Variants in RBMS3 observed in about 807,000 individuals in gnomAD.
The protein encoded by RBMS3 is RNA-binding motif, single-stranded-interacting protein 3.
Under a neutral mutation model 66.8 loss-of-function variants are expected in RBMS3, and 27 were observed. The ratio of observed to expected loss-of-function variants is 0.40; its 90% CI spans 0.30 to 0.56. The LOEUF is 0.56. Ranked by LOEUF, RBMS3 falls within the 20% of genes least tolerant of loss-of-function variation. The pLI is 0.40. For missense variants in RBMS3, 513 were observed against 549.5 expected (o/e 0.93, Z 0.66); for synonymous variants, 188 against 183.0 (o/e 1.03, Z -0.22).
At chr3:29,522,009 A>G (rs959541116) in intron 3 of RBMS3, among the ~76,000 whole-genome samples, 2 of 152,228 alleles carry the variant, frequency 1.3e-5, no homozygotes, top group Non-Finnish European at 2.9e-5. Context: ...TCATCTTAAC[A>G]TAATCCAGTT....
At chr3:29,772,883 A>G (rs996684535) in intron 6 of RBMS3, among the ~76,000 whole-genome samples, 1 of 152,072 alleles carries the variant, frequency 6.6e-6, no homozygotes, top group African/African-American at 2.4e-5. Flanking sequence ...ATTACTATAG[A>G]AGACTGTTCA....
chr3:29,934,967 T>C (rs925211384), intron 10 of RBMS3, among the ~76,000 whole-genome samples: 7 of 152,252 alleles, frequency 4.6e-5, no homozygotes, highest in Non-Finnish European at 8.8e-5. Flanking sequence ...GCCATCTACA[T>C]GCATCTGTCC....
At chr3:29,891,045 A>T (rs905696519) in intron 8 of RBMS3, among the ~76,000 whole-genome samples, 14 of 151,604 alleles carry the variant, frequency 9.2e-5, no homozygotes, top group African/African-American at 3.4e-4. Flanking sequence ...ATCCTATGGA[A>T]TCCTGTAACA....
At chr3:29,721,346 G>A (rs1026136323) in intron 4 of RBMS3, among the ~76,000 whole-genome samples, 16 of 152,070 alleles carry the variant, frequency 1.1e-4, no homozygotes, top group African/African-American at 3.4e-4. Flanking sequence ...ATATGGTGAT[G>A]TAATAACTAT....
chr3:29,960,513 G>T (rs1326480046), intron 12 of RBMS3, among the ~76,000 whole-genome samples: 1 of 152,172 alleles, frequency 6.6e-6, no homozygotes, highest in East Asian at 1.9e-4. Flanking sequence ...CACAGCTCCA[G>T]TAGGCAGTGC....
intron 12 of RBMS3, among the ~76,000 whole-genome samples, chr3:29,960,193 C>T (rs1431686650): frequency 2.0e-5 from 3 of 152,130 alleles, no homozygotes; most frequent in Non-Finnish European, 2.9e-5. Flanking sequence ...TATACTTATT[C>T]CAAATGGGAG....
chr3:29,863,005 A>G (rs1012519035), intron 6 of RBMS3, among the ~76,000 whole-genome samples: 6 of 152,184 alleles, frequency 3.9e-5, no homozygotes, highest in African/African-American at 1.4e-4. Flanking sequence ...GGAATTACCT[A>G]AGAACAAGAC....
chr3:29,560,102 T>C (rs1440495699), intron 3 of RBMS3, among the ~76,000 whole-genome samples: 1 of 152,182 alleles, frequency 6.6e-6, no homozygotes, highest in Non-Finnish European at 1.5e-5. Flanking sequence ...GATAATTTCA[T>C]ACAATATGGG....
chr3:29,889,381 G>A (rs1332648190), intron 8 of RBMS3, among the ~76,000 whole-genome samples: 1 of 151,630 alleles, frequency 6.6e-6, no homozygotes, highest in Non-Finnish European at 1.5e-5. Context: ...AGCTAGTTAT[G>A]CTATTAGTCA....
chr3:29,758,176 A>G (rs988165479), intron 5 of RBMS3, among the ~76,000 whole-genome samples: 3 of 152,178 alleles, frequency 2.0e-5, no homozygotes, highest in African/African-American at 7.2e-5. Flanking sequence ...GGCTGGGTAG[A>G]GTGGAGCTAG....
intron 4 of RBMS3, among the ~76,000 whole-genome samples, chr3:29,626,466 A>G (rs73048479): frequency 0.19 from 29,567 of 152,148 alleles, 3,112 homozygotes; most frequent in Middle Eastern, 0.29. Context: ...CAATTTAAGG[A>G]TAAATATTGC....
chr3:29,582,190 A>ATAGATAGG (rs1169581097), intron 3 of RBMS3, among the ~76,000 whole-genome samples: 3 of 144,522 alleles, frequency 2.1e-5, no homozygotes, highest in Non-Finnish European at 4.6e-5. Context: ...AGATAGATAG[A>ATAGATAGG]TAGATACACA....
chr3:29,778,460 G>A (rs1453223072), intron 6 of RBMS3, among the ~76,000 whole-genome samples: 1 of 151,216 alleles, frequency 6.6e-6, no homozygotes, highest in African/African-American at 2.4e-5. Flanking sequence ...GGGGATTGGG[G>A]AATTACTATG....
At chr3:29,914,997 T>C (rs2060603615) in intron 10 of RBMS3, among the ~76,000 whole-genome samples, 1 of 151,872 alleles carries the variant, frequency 6.6e-6, no homozygotes, top group African/African-American at 2.4e-5. Context: ...CAATAAACCT[T>C]TGCCAAGCCT....
chr3:29,888,524 G>A (rs898056927), intron 8 of RBMS3, among the ~76,000 whole-genome samples: 7 of 151,276 alleles, frequency 4.6e-5, no homozygotes, highest in Non-Finnish European at 1.0e-4. Context: ...CTTCTCTCTA[G>A]TTGCTCTCGT....
In RBMS3 at chr3:30,003,839, T is replaced by C. The variant is rs1314339328; in HGVS notation, c.1308-17T>C. The C allele has an allele frequency of 1.4e-6, 2 of 1,424,358 alleles. No homozygotes were observed. Among genetic ancestry groups the C allele is most frequent in the African/African-American group, 1.5e-5 (1 of 68,588 alleles). 88.2% of individuals were successfully genotyped at this position (1,424,358 alleles called of 1,614,324 possible). On this transcript the variant is annotated splice_polypyrimidine_tract_variant and intron_variant, in intron 14 of 14. Transcript: ENST00000383767. ...TACTTTAATTTAATGACCACTCTTA[T>C]TCAATTGTTTTCACAGACCATAAAC...
chr3:29,759,278 G>A (rs189028468), intron 5 of RBMS3, among the ~76,000 whole-genome samples: 1 of 152,120 alleles, frequency 6.6e-6, no homozygotes, highest in Non-Finnish European at 1.5e-5. Flanking sequence ...AGTGTCCTAG[G>A]TACTGAGACA....
At chr3:29,905,051 A>G (rs2060343419) in intron 10 of RBMS3, among the ~76,000 whole-genome samples, 1 of 151,878 alleles carries the variant, frequency 6.6e-6, no homozygotes, top group Non-Finnish European at 1.5e-5. Flanking sequence ...TTCTTTTAGA[A>G]CAAGGGTCAG....
At chr3:29,490,886 A>C (rs1250472825) in intron 3 of RBMS3, among the ~76,000 whole-genome samples, 1 of 152,178 alleles carries the variant, frequency 6.6e-6, no homozygotes, top group South Asian at 2.1e-4. Context: ...TCAGACAGTT[A>C]ATAATATTAA....
Sources: allele counts gnomAD v4.1 joint callset (sites outside exome capture counted in the v4.1 genomes callset), GRCh38; gene constraint gnomAD v4.1.1; transcripts MANE v1.5; gene names NCBI Gene and HGNC (gene_info 2026-07-23, HGNC 2026-07-21).